The following ZAN variants were observed in gnomAD, a reference collection of about 807,000 sequenced individuals.
ZAN encodes zonadhesin.
ZAN carries 260 observed loss-of-function variants against 286.2 expected under a neutral mutation model. The ratio of observed to expected loss-of-function variants is 0.91; its 90% CI spans 0.82 to 1.01. The LOEUF is 1.01. Among genes scored for constraint, ZAN ranks in the 50% least tolerant of loss-of-function variants. The probability of loss-of-function intolerance (pLI) is 0.00; values close to 1 mark genes in which losing one functional copy is unlikely to be tolerated. For synonymous variants in ZAN, 1,368 were observed against 1,417.5 expected, an observed-to-expected ratio of 0.97 and a Z score of 0.79; for missense variants, 3,410 against 3,639.2, an observed-to-expected ratio of 0.94 and a Z score of 1.62.
chr7:100,738,510 C>A lies in ZAN; in HGVS notation c.663C>A (p.Asp221Glu). 6 of 1,493,776 alleles carry A rather than the reference C, an allele frequency of 4.0e-6. No homozygotes were observed. Among genetic ancestry groups the A allele is most frequent in the Non-Finnish European group, 5.5e-6 (6 of 1,092,062 alleles). The allele number at this position is 1,493,776 out of a possible 1,614,324, so 92.5% of individuals were successfully genotyped here. The change falls in exon 7 of 48, where the codon GAC (aspartate) becomes GAA (glutamate). Residue 221 changes from aspartate to glutamate, a missense_variant. By Grantham distance (45) the Asp-to-Glu change is conservative. Transcript: ENST00000613979. ...TTGACATTCCAAATGACCTCTGTGA[C>A]TGGACCTGGATCCCAACTGCCTCCG... is the stretch of plus-strand genomic sequence containing the variant. ...CSFDIPNDLC[D>E]WTWIPTASGA...
chr7:100,739,833 T>C (rs998644540), intron 7 of ZAN, among the ~76,000 whole-genome samples: 2 of 138,462 alleles, frequency 1.4e-5, no homozygotes, highest in Non-Finnish European at 1.6e-5. Context: ...AATTTTTGTG[T>C]TTTTAGTAGA....
intron 44 of ZAN, among the ~76,000 whole-genome samples, chr7:100,794,547 T>C (rs1237853353): frequency 6.6e-6 from 1 of 152,142 alleles, no homozygotes; most frequent in Non-Finnish European, 1.5e-5. Context: ...GTTAAGCAGT[T>C]TCCTGCTGGG....
intron 7 of ZAN, among the ~76,000 whole-genome samples, chr7:100,744,697 T>G (rs1584553358): frequency 2.6e-5 from 4 of 151,558 alleles, no homozygotes; most frequent in Middle Eastern, 3.4e-3. Context: ...CTGCAACCCC[T>G]CAGCATTTAG....
chr7:100,778,712 C>T (rs1022656643), intron 34 of ZAN, among the ~76,000 whole-genome samples: 13 of 152,062 alleles, frequency 8.5e-5, no homozygotes, highest in African/African-American at 3.1e-4. Flanking sequence ...CCTGAGAGGT[C>T]TCTCTGGGTC....
chr7:100,797,500 G>A, intron 46 of ZAN, 35 bp downstream of exon 46: 1 of 1,613,818 alleles, frequency 6.2e-7, no homozygotes, highest in Non-Finnish European at 8.5e-7. Context: ...AGGGCGGGTG[G>A]GGTGTGCAAA....
In ZAN at chr7:100,789,235, G is replaced by A. The variant is rs773530441; in HGVS notation, c.7245G>A (p.Met2415Ile). Residue 2415 changes from methionine (M) to isoleucine (I), a missense_variant, in exon 39 of 48, where the codon ATG (methionine) becomes ATA (isoleucine). Physicochemically the swap from Met to Ile is conservative, Grantham distance 10. This residue lies in a region of ZAN where 1,289 missense variants were observed against 1,314.3 expected (regional missense o/e 0.98). Coordinates refer to ENST00000613979, the MANE Select transcript of ZAN (RefSeq NM_003386.3). ...GLELVVNNQK[M>I]AVPYRPNEHL... ...CTCTTTAGGTCAACAACCAGAAGAT[G>A]GCCGTCCCCTACAGGCCAAATGAAC... The A allele has an allele frequency of 2.7e-5, 44 of 1,613,546 alleles. No homozygotes were observed. The highest frequency in any genetic ancestry group is 4.0e-5 in the African/African-American group (3 of 74,918).
chr7:100,792,209 G>A, intron 41 of ZAN, 61 bp downstream of exon 41: 1 of 1,515,148 alleles, frequency 6.6e-7, no homozygotes, highest in South Asian at 1.3e-5. Context: ...TCTTTCCCTG[G>A]GGCCTCCTGC....
chr7:100,758,154 T>A (rs1296426650), intron 15 of ZAN, 48 bp from the exon 16 acceptor site: 15 of 1,415,412 alleles, frequency 1.1e-5, no homozygotes, highest in Non-Finnish European at 1.4e-5. Context: ...AAGGGAGAAG[T>A]ACTCTAGGAG....
chr7:100,791,059 C>T lies in ZAN; in HGVS notation c.7475C>T (p.Thr2492Ile), dbSNP rs1311531092. ...PSGALTQNLN[T>I]FGNSWEVKTE... ...GGCGCCCTGACCCAGAACCTCAACA[C>T]CTTTGGCAACAGCTGGGAGGTGAAG... The change falls in exon 40 of 48, where the codon ACC (threonine) becomes ATC (isoleucine). Residue 2492 changes from threonine (T) to isoleucine (I), a missense_variant. Thr to Ile is a moderately conservative substitution (Grantham distance 89, BLOSUM62 -1). Transcript: ENST00000613979. 4.3e-6 allele frequency: 7 copies of T among 1,613,126 alleles called. No homozygotes were observed. The highest frequency in any genetic ancestry group is 2.7e-5 in the African/African-American group (2 of 74,868).
intron 15 of ZAN, among the ~76,000 whole-genome samples, 191 bp from the exon 16 acceptor site, chr7:100,758,011 A>G (rs955967838): frequency 6.7e-6 from 1 of 149,948 alleles, no homozygotes; most frequent in Non-Finnish European, 1.5e-5. Context: ...GTTTGAGCCC[A>G]GGGGGTCAAG....
chr7:100,774,847 C>T (rs2116152021), intron 31 of ZAN, among the ~76,000 whole-genome samples: 2 of 151,018 alleles, frequency 1.3e-5, no homozygotes, highest in South Asian at 4.2e-4. Context: ...AAAAAAAAAT[C>T]CTTCCTCCAA....
At chr7:100,753,867 T>C (rs1212797794) in intron 14 of ZAN, among the ~76,000 whole-genome samples, 1 of 149,018 alleles carries the variant, frequency 6.7e-6, no homozygotes, top group Admixed American at 6.7e-5. Context: ...CAAAAGCAAT[T>C]CTGTGGGTTT....
chr7:100,788,061 C>T lies in ZAN; in HGVS notation c.7152C>T (p.Ser2384=). 6.3e-7 allele frequency: 1 copy of T among 1,589,690 alleles called. No individual in the cohort carries two copies. The highest frequency in any genetic ancestry group is 8.6e-7 in the Non-Finnish European group (1 of 1,163,614). The change falls in exon 38 of 48, where the codon AGC becomes AGT. Residue 2384 remains serine (S), a synonymous_variant. Coordinates refer to ENST00000613979, the MANE Select transcript of ZAN (RefSeq NM_003386.3). ...EGRNKMDPPR[S]SIFLQEVITT... ...GCAACAAGATGGATCCGCCCAGGAG[C>T]TCCATCTTCTTGCAGGAAGTGATTA...
rs753859819 is a variant in ZAN at position 100,747,645 on chromosome 7, C to T, written c.1023+4C>T. The T allele has an allele frequency of 5.6e-6, 9 of 1,613,376 alleles. No homozygotes were observed. Among genetic ancestry groups the T allele is most frequent in the Middle Eastern group, 1.6e-4 (1 of 6,080 alleles). On this transcript the variant is annotated splice_donor_region_variant and intron_variant, in intron 9 of 47. Transcript: ENST00000613979. ...CACAGCCGTGGGACGGATACAGGTA[C>T]AGAGAAGCAAGGGGTCAGGTCCTTG...
chr7:100,780,249 C>T lies in ZAN; in HGVS notation c.6622+499C>T, dbSNP rs902537359. On this transcript the variant is annotated intron_variant, in intron 35 of 47. Coordinates refer to ENST00000613979, the MANE Select transcript of ZAN (RefSeq NM_003386.3). ...TGATAAAGTTGTGCAACCATCACTACTATATAACGCCAGAAACTTTTACAA... is the reference window on the plus strand; with the variant it reads ...TGATAAAGTTGTGCAACCATCACTATTATATAACGCCAGAAACTTTTACAA... Among the ~76,000 whole-genome samples, 7 of 151,030 alleles carry T rather than the reference C, an allele frequency of 4.6e-5. 1 individual carries two copies. The highest frequency in any genetic ancestry group is 7.3e-5 in the African/African-American group (3 of 41,020).
rs772410458 is a variant in ZAN, at chr7:100,765,382, C to T, written c.4298C>T (p.Ser1433Phe). The T allele has an allele frequency of 6.2e-7, 1 of 1,613,992 alleles. No homozygotes were observed. Among genetic ancestry groups the T allele is most frequent in the Admixed American group, 1.7e-5 (1 of 60,016 alleles). The change falls in exon 23 of 48, where the codon TCC (serine) becomes TTC (phenylalanine). Residue 1433 changes from serine to phenylalanine, a missense_variant. Ser to Phe is a radical substitution (Grantham distance 155, BLOSUM62 -2). Transcript: ENST00000613979. ...GCCTGCCCGCCCAACAGCAAGTACT[C>T]CCTGTGTGCGAAGCCATGCCCTGAC... ...PMACPPNSKY[S>F]LCAKPCPDTC...
chr7:100,741,548 TG>T (rs1454255187), intron 7 of ZAN, among the ~76,000 whole-genome samples: 1 of 27,618 alleles, frequency 3.6e-5, no homozygotes, highest in African/African-American at 9.2e-5. Flanking sequence ...ACGGGGCGGC[TG>T]GCCGGGCGGG....
chr7:100,788,608 G>T (rs1180651599), intron 38 of ZAN, among the ~76,000 whole-genome samples: 1 of 152,140 alleles, frequency 6.6e-6, no homozygotes, highest in Non-Finnish European at 1.5e-5. Flanking sequence ...GCAGAGGCTG[G>T]CAAGAAACAA....
chr7:100,795,344 C>A lies in ZAN; in HGVS notation c.8266+8C>A. The A allele has an allele frequency of 6.3e-7, 1 of 1,578,020 alleles. No individual in the cohort carries two copies. On this transcript the variant is annotated splice_region_variant and intron_variant, in intron 45 of 47. Coordinates refer to ENST00000613979, the MANE Select transcript of ZAN (RefSeq NM_003386.3). ...CACCTCCCAGAAAGCCAGGTGAGGG[C>A]ATCGTCCAAGGCCCTGTACCCTCAC... is the stretch of plus-strand genomic sequence containing the variant.
Sources: gnomAD v4.1 joint callset for allele counts (sites outside exome capture counted in the v4.1 genomes callset) on GRCh38, gnomAD v4.1.1 for gene constraint, gnomAD v4.1.1 regional missense constraint, MANE v1.5 for transcripts, NCBI Gene and HGNC (gene_info 2026-07-23, HGNC 2026-07-21) for gene names.